The following ME3 variants were observed in gnomAD, a reference collection of about 807,000 sequenced individuals.
ME3 encodes NADP-dependent malic enzyme, mitochondrial.
Under a neutral mutation model 68.9 loss-of-function variants are expected in ME3, and 48 were observed. The observed-to-expected ratio is 0.70, with a 90% CI of 0.55 to 0.89. The LOEUF (loss-of-function observed/expected upper bound fraction) is 0.89, where lower values mean the gene tolerates loss of function less well. Ranked by LOEUF, ME3 falls within the 40% of genes least tolerant of loss-of-function variation. The probability of loss-of-function intolerance (pLI) is 0.00; values close to 1 mark genes in which losing one functional copy is unlikely to be tolerated. For missense variants in ME3, 675 were observed against 797.4 expected (o/e 0.85, Z 1.85); for synonymous variants, 320 against 318.8 (o/e 1.00, Z -0.04).
At chr11:86,510,718 C>G (rs66872826) in intron 4 of ME3, among the ~76,000 whole-genome samples, 16,049 of 152,146 alleles carry the variant, frequency 0.11, 887 homozygotes, top group African/African-American at 0.13. Context: ...TATCTCCAGA[C>G]GTTGGCAAAT....
At chr11:86,509,555 A>C (rs1953358041) in intron 4 of ME3, among the ~76,000 whole-genome samples, 1 of 152,250 alleles carries the variant, frequency 6.6e-6, no homozygotes, top group Admixed American at 6.5e-5. Flanking sequence ...AAGGCAGTCC[A>C]ATCTGCAGGC....
In ME3 at chr11:86,517,223, A is replaced by G. The variant is rs538154293; in HGVS notation, c.468-8356T>C. ...CCTGCTTTGGCCAATAAAATGCAAC[A>G]TGGCACCTCTGGGTGGGAGTGTTTC... On this transcript the variant is annotated intron_variant, in intron 4 of 14. Coordinates refer to ENST00000543262, the Ensembl canonical transcript of ME3. 4.6e-5 allele frequency among the ~76,000 whole-genome samples: 7 copies of G among 152,126 alleles called. No individual in the cohort carries two copies. In the South Asian group the frequency reaches 8.4e-4, roughly 18 times the overall value.
intron 2 of ME3, among the ~76,000 whole-genome samples, chr11:86,611,945 T>C (rs909364466): frequency 1.3e-5 from 2 of 152,162 alleles, no homozygotes; most frequent in East Asian, 3.8e-4. Context: ...ATTTTTAATT[T>C]TTATTTCTTC....
chr11:86,516,975 C>CA (rs1953944560), intron 4 of ME3, among the ~76,000 whole-genome samples: 1 of 152,136 alleles, frequency 6.6e-6, no homozygotes, highest in African/African-American at 2.4e-5. Context: ...GGTCATTTAA[C>CA]AAAAATTGCA....
intron 7 of ME3, among the ~76,000 whole-genome samples, chr11:86,465,942 T>G (rs1248231569): frequency 1.3e-5 from 2 of 152,178 alleles, no homozygotes; most frequent in Non-Finnish European, 2.9e-5. Context: ...ATGGTTCTGA[T>G]TCTGACAGCC....
chr11:86,610,540 A>G (rs1014427716), intron 2 of ME3, among the ~76,000 whole-genome samples: 8 of 152,152 alleles, frequency 5.3e-5, no homozygotes, highest in Non-Finnish European at 7.3e-5. Context: ...GCAGCAGGAG[A>G]TTCCACTTTC....
chr11:86,554,941 A>G (rs1956856414), intron 4 of ME3, among the ~76,000 whole-genome samples: 1 of 152,218 alleles, frequency 6.6e-6, no homozygotes, highest in Admixed American at 6.5e-5. Context: ...TAGACGAAGT[A>G]TGTGTAATGG....
Position 86,450,292 on chromosome 11 carries a change from G to A in ME3, c.1017+9C>T, listed in dbSNP as rs114046046. 372 of 1,613,174 alleles carry A rather than the reference G, an allele frequency of 2.3e-4. No homozygotes were observed. In the African/African-American group the frequency reaches 4.5e-3, roughly 20 times the overall value. ...TGGAGCAACCAAAGAAACCCTCAAT[G>A]CCACATACCTCGCCTGCACCTTGGA... On this transcript the variant is annotated intron_variant, in intron 9 of 14. Coordinates refer to ENST00000543262, the Ensembl canonical transcript of ME3.
intron 6 of ME3, among the ~76,000 whole-genome samples, chr11:86,496,481 A>C (rs1032680359): frequency 5.3e-5 from 8 of 152,230 alleles, no homozygotes. Flanking sequence ...CCATGTAAAG[A>C]GTCTTGGCAA....
chr11:86,435,133 T>C, the ME3 span: 1 of 152,228 alleles, frequency 6.6e-6, no homozygotes, highest in East Asian at 1.9e-4. Context: ...TATTTGATTA[T>C]AAACCCATTT....
intron 8 of ME3, among the ~76,000 whole-genome samples, chr11:86,462,132 A>G (rs1011678155): frequency 2.0e-5 from 3 of 152,240 alleles, no homozygotes; most frequent in African/African-American, 7.2e-5. Flanking sequence ...GTGCATTTAT[A>G]TGTGAGCACA....
intron 2 of ME3, among the ~76,000 whole-genome samples, chr11:86,571,945 C>T (rs1957822022): frequency 6.6e-6 from 1 of 152,162 alleles, no homozygotes; most frequent in African/African-American, 2.4e-5. Flanking sequence ...GGAAGTTTAA[C>T]GATGTGAGGC....
chr11:86,653,360 G>C (rs1247050966), intron 2 of ME3, among the ~76,000 whole-genome samples: 1 of 152,148 alleles, frequency 6.6e-6, no homozygotes, highest in Non-Finnish European at 1.5e-5. Flanking sequence ...GCACTCCTCA[G>C]CAAATGTAAA....
chr11:86,625,185 C>G (rs1943583972), intron 2 of ME3, among the ~76,000 whole-genome samples: 1 of 152,090 alleles, frequency 6.6e-6, no homozygotes, highest in South Asian at 2.1e-4. Context: ...TTGCCAAACT[C>G]CTCACCAGAC....
intron 10 of ME3, 79 bp from the exon 11 acceptor site, chr11:86,448,334 A>C: frequency 1.9e-6 from 2 of 1,076,700 alleles, no homozygotes; most frequent in South Asian, 2.7e-5. Context: ...GGAAACTCTG[A>C]GAGCGTTTCC....
At chr11:86,469,175 G>A (rs1365030362) in intron 7 of ME3, among the ~76,000 whole-genome samples, 1 of 152,186 alleles carries the variant, frequency 6.6e-6, no homozygotes, top group Non-Finnish European at 1.5e-5. Context: ...CAGGAGTCTT[G>A]GCTGAGTCCC....
chr11:86,618,885 T>C (rs907031529), intron 2 of ME3, among the ~76,000 whole-genome samples: 1 of 152,122 alleles, frequency 6.6e-6, no homozygotes, highest in African/African-American at 2.4e-5. Flanking sequence ...CTAATTTTTG[T>C]ATTTTTAGTA....
intron 4 of ME3, 53 bp downstream of exon 4, chr11:86,556,500 A>G (rs1565947024): frequency 6.4e-7 from 1 of 1,568,818 alleles, no homozygotes; most frequent in Non-Finnish European, 8.6e-7. Context: ...GAAAGAATTT[A>G]TTCCCCTCTA....
chr11:86,595,706 A>C (rs1959330909), intron 2 of ME3, among the ~76,000 whole-genome samples: 1 of 152,228 alleles, frequency 6.6e-6, no homozygotes, highest in South Asian at 2.1e-4. Flanking sequence ...CCAGGCCCTC[A>C]CTATTTCTAC....
Sources: gnomAD v4.1 joint callset for allele counts (sites outside exome capture counted in the v4.1 genomes callset) on GRCh38, gnomAD v4.1.1 for gene constraint, MANE v1.5 for transcripts, NCBI Gene and HGNC (gene_info 2026-07-23, HGNC 2026-07-21) for gene names.